Variants in FARSB observed in about 807,000 individuals in gnomAD.
FARSB encodes phenylalanyl-tRNA synthetase subunit beta.
Under a neutral mutation model 69.6 loss-of-function variants are expected in FARSB, and 40 were observed. The observed-to-expected ratio is 0.57, with a 90% CI of 0.45 to 0.75. The LOEUF is 0.75. Ranked by LOEUF, FARSB falls within the 30% of genes least tolerant of loss-of-function variation. FARSB has a pLI of 0.00. For synonymous variants in FARSB, 235 were observed against 247.2 expected, an observed-to-expected ratio of 0.95 and a Z score of 0.46; for missense variants, 632 against 722.9, an observed-to-expected ratio of 0.87 and a Z score of 1.44.
At chr2:222,596,626 T>C (rs1438567174) in intron 16 of FARSB, among the ~76,000 whole-genome samples, 1 of 152,204 alleles carries the variant, frequency 6.6e-6, no homozygotes, top group East Asian at 1.9e-4. Flanking sequence ...CTCTACTTTT[T>C]AATACTCTGA....
At chr2:222,649,836 C>A (rs1445539334) in intron 1 of FARSB, among the ~76,000 whole-genome samples, 1 of 152,158 alleles carries the variant, frequency 6.6e-6, no homozygotes, top group African/African-American at 2.4e-5. Flanking sequence ...AAAAATTGAA[C>A]ACAAAACATC....
chr2:222,631,940 C>T (rs952056056), intron 7 of FARSB, among the ~76,000 whole-genome samples: 10 of 152,002 alleles, frequency 6.6e-5, no homozygotes, highest in African/African-American at 1.2e-4. Context: ...GGCGTGGTGG[C>T]GCATGCCTGT....
intron 10 of FARSB, among the ~76,000 whole-genome samples, chr2:222,625,248 G>C (rs1043864860): frequency 6.6e-6 from 1 of 152,178 alleles, no homozygotes; most frequent in African/African-American, 2.4e-5. Context: ...GTGGAGAAAT[G>C]CAATGATGAA....
intron 14 of FARSB, among the ~76,000 whole-genome samples, chr2:222,615,427 A>C (rs1690972348): frequency 6.6e-6 from 1 of 152,214 alleles, no homozygotes; most frequent in South Asian, 2.1e-4. Flanking sequence ...AATTTTGAAT[A>C]AAATCCATGG....
chr2:222,616,150 A>G (rs1053557789), intron 14 of FARSB, among the ~76,000 whole-genome samples: 1 of 152,224 alleles, frequency 6.6e-6, no homozygotes, highest in African/African-American at 2.4e-5. Flanking sequence ...TATAGGACAA[A>G]TGACTCAGTT....
At chr2:222,641,143 A>C (rs1041242809) in intron 3 of FARSB, among the ~76,000 whole-genome samples, 1 of 152,148 alleles carries the variant, frequency 6.6e-6, no homozygotes, top group African/African-American at 2.4e-5. Flanking sequence ...AAATGACATA[A>C]GATGCCTCAT....
intron 15 of FARSB, among the ~76,000 whole-genome samples, chr2:222,603,645 G>A (rs928857695): frequency 8.9e-5 from 13 of 146,254 alleles, no homozygotes; most frequent in South Asian, 4.2e-4. Flanking sequence ...GAGCTAATAC[G>A]ATTAATTATA....
intron 15 of FARSB, among the ~76,000 whole-genome samples, chr2:222,613,551 A>T (rs1690910971): frequency 2.6e-5 from 4 of 152,186 alleles, no homozygotes; most frequent in African/African-American, 9.7e-5. Context: ...CTCCAGGAAA[A>T]AAATAAATAA....
At chr2:222,639,031 T>C (rs1691651793) in intron 5 of FARSB, among the ~76,000 whole-genome samples, 1 of 152,188 alleles carries the variant, frequency 6.6e-6, no homozygotes, top group Non-Finnish European at 1.5e-5. Context: ...GGTGTGAAGA[T>C]TATTGCCCTA....
intron 16 of FARSB, among the ~76,000 whole-genome samples, chr2:222,575,285 T>C (rs1385441151): frequency 6.6e-6 from 1 of 152,136 alleles, no homozygotes. Flanking sequence ...AAAATATGAG[T>C]CTAGGCTTGT....
At chr2:222,579,229 AC>A (rs1463108094) in intron 16 of FARSB, among the ~76,000 whole-genome samples, 2 of 152,238 alleles carry the variant, frequency 1.3e-5, no homozygotes, top group African/African-American at 2.4e-5. Flanking sequence ...GCCCACAGGC[AC>A]ATAAGGCCTA....
intron 14 of FARSB, among the ~76,000 whole-genome samples, chr2:222,616,774 T>C (rs1475418143): frequency 6.6e-6 from 1 of 152,146 alleles, no homozygotes; most frequent in African/African-American, 2.4e-5. Flanking sequence ...TTAAGAATTA[T>C]GCAGGAGAAG....
At chr2:222,599,786 T>C in intron 16 of FARSB, 142 bp downstream of exon 16, 1 of 661,362 alleles carries the variant, frequency 1.5e-6, no homozygotes, top group East Asian at 2.8e-5. Flanking sequence ...GGATATTTTC[T>C]GGATAATATT....
At chr2:222,582,717 G>T (rs1467489418) in intron 16 of FARSB, among the ~76,000 whole-genome samples, 1 of 151,970 alleles carries the variant, frequency 6.6e-6, no homozygotes, top group East Asian at 1.9e-4. Context: ...TTGAGGTCAG[G>T]AGTCAAGACC....
chr2:222,569,527 C>T lies in FARSB; in HGVS notation c.*2344G>A, dbSNP rs1206292396. ...AAAATCAGTAAAATACTACATGTTACATTACATTCTTTTTCTCCCAGCTTT... is the reference window on the plus strand; with the variant it reads ...AAAATCAGTAAAATACTACATGTTATATTACATTCTTTTTCTCCCAGCTTT... On this transcript the variant is annotated 3_prime_UTR_variant, in exon 17 of 17. Coordinates refer to ENST00000281828, the MANE Select transcript of FARSB (RefSeq NM_005687.5). The T allele has an allele frequency of 2.0e-5, 3 of 152,172 alleles. No individual in the cohort carries two copies. Among genetic ancestry groups the T allele is most frequent in the African/African-American group, 7.2e-5 (3 of 41,426 alleles). The allele number at this position is 152,172 out of a possible 1,614,324, so 9.4% of individuals were successfully genotyped here. A position where few individuals can be genotyped will look rare whatever the true frequency, so the allele number is the denominator to read the frequency against.
rs548834971 is a variant in FARSB at position 222,629,147 on chromosome 2, G to A, written c.849-259C>T. 4.6e-5 allele frequency among the ~76,000 whole-genome samples: 7 copies of A among 152,048 alleles called. No homozygotes were observed. The East Asian group carries it at 9.7e-4, about 21-fold the overall frequency. ...TTCCAGTACTGCAAAGCATGCATCC[G>A]ACAGGGACTCCTTGCCAATACTGAC... On this transcript the variant is annotated intron_variant, in intron 9 of 16. Transcript: ENST00000281828.
chr2:222,599,840 C>A, intron 16 of FARSB, 88 bp downstream of exon 16: 1 of 1,085,576 alleles, frequency 9.2e-7, no homozygotes, highest in Non-Finnish European at 1.3e-6. Context: ...TCTAAAATCC[C>A]AAATCAAAAC....
intron 16 of FARSB, among the ~76,000 whole-genome samples, chr2:222,594,506 A>AT (rs1365464688): frequency 6.6e-6 from 1 of 152,184 alleles, no homozygotes; most frequent in Non-Finnish European, 1.5e-5. Flanking sequence ...TACACTTACT[A>AT]TTTTTATGTA....
chr2:222,602,966 T>C (rs1309700833), intron 15 of FARSB, among the ~76,000 whole-genome samples: 1 of 152,056 alleles, frequency 6.6e-6, no homozygotes, highest in Non-Finnish European at 1.5e-5. Context: ...TATTGATTTC[T>C]GAAAATTAAT....
Sources: gnomAD v4.1 joint callset for allele counts (sites outside exome capture counted in the v4.1 genomes callset) on GRCh38, gnomAD v4.1.1 for gene constraint, MANE v1.5 for transcripts, NCBI Gene and HGNC (gene_info 2026-07-23, HGNC 2026-07-21) for gene names.